The following LRP1B variants were observed in gnomAD, a reference collection of about 807,000 sequenced individuals.
LRP1B encodes the protein low-density lipoprotein receptor-related protein 1B.
In LRP1B, 217 loss-of-function variants were observed where a neutral mutation model predicts 556.6. That is an observed-to-expected ratio of 0.39 (90% CI 0.35 to 0.44). The LOEUF is 0.44. Among genes scored for constraint, LRP1B ranks in the 20% least tolerant of loss-of-function variants. The pLI, the probability that LRP1B is intolerant of heterozygous loss-of-function variation, is 1.00. For missense variants in LRP1B, 5,053 were observed against 5,620.8 expected (o/e 0.90, Z 3.23); for synonymous variants, 2,047 against 1,865.8 (o/e 1.10, Z -2.50).
chr2:141,795,295 C>T lies in LRP1B; in HGVS notation c.205+14984G>A, dbSNP rs533579952. On this transcript the variant is annotated intron_variant, in intron 2 of 90. Coordinates refer to ENST00000389484, the MANE Select transcript of LRP1B (RefSeq NM_018557.3). ...ATGCTGATCATAATCTCCTAGTCTC[C>T]ATGCTGTCACATGAAAAATCCACAC... Among the ~76,000 whole-genome samples, 8 of 152,104 alleles carry T rather than the reference C, an allele frequency of 5.3e-5. No homozygotes were observed. The South Asian group carries it at 1.7e-3, about 32-fold the overall frequency.
chr2:141,042,028 C>T (rs1215620819), intron 11 of LRP1B, among the ~76,000 whole-genome samples: 2 of 152,032 alleles, frequency 1.3e-5, no homozygotes, highest in Non-Finnish European at 2.9e-5. Context: ...GTTCAGCATA[C>T]CACAGACTCC....
intron 7 of LRP1B, among the ~76,000 whole-genome samples, chr2:141,066,024 G>A (rs570582694): frequency 2.6e-5 from 4 of 151,924 alleles, no homozygotes; most frequent in African/African-American, 9.7e-5. Context: ...GCAAAAAGGG[G>A]CATTGCTGTT....
chr2:140,962,389 T>C (rs972909019), intron 18 of LRP1B, among the ~76,000 whole-genome samples: 1 of 152,208 alleles, frequency 6.6e-6, no homozygotes, highest in Non-Finnish European at 1.5e-5. Context: ...AGAGCAGGTC[T>C]AATGTGGACT....
chr2:141,810,062 CA>C (rs1696288048), intron 2 of LRP1B, among the ~76,000 whole-genome samples: 1 of 138,660 alleles, frequency 7.2e-6, no homozygotes, highest in Non-Finnish European at 1.6e-5. Context: ...AAAACACAAA[CA>C]AAAGGTTTCA....
At chr2:140,804,648 A>ATTTTTTTTTTTTTTTTTTTTTTTTTTTT in intron 32 of LRP1B, among the ~76,000 whole-genome samples, 1 of 103,892 alleles carries the variant, frequency 9.6e-6, no homozygotes, top group Non-Finnish European at 1.9e-5. Flanking sequence ...GGTAAAAACT[A>ATTTTTTTTTTTTTTTTTTTTTTTTTTTT]ATTTTTTTTT....
chr2:141,779,069 G>A (rs1200988837), intron 2 of LRP1B, among the ~76,000 whole-genome samples: 1 of 152,094 alleles, frequency 6.6e-6, no homozygotes, highest in Non-Finnish European at 1.5e-5. Flanking sequence ...CCAGTGCTGT[G>A]GGATTTATTC....
chr2:140,932,220 A>T (rs112990676), intron 20 of LRP1B, among the ~76,000 whole-genome samples: 5,541 of 152,200 alleles, frequency 0.036, 153 homozygotes, highest in South Asian at 0.093. Context: ...GCCTTTGTCC[A>T]ATGAATTTGA....
Position 140,988,491 on chromosome 2 carries a change from T to G in LRP1B, c.2770+1041A>C, listed in dbSNP as rs144015027. On this transcript the variant is annotated intron_variant, in intron 17 of 90. Coordinates refer to ENST00000389484, the MANE Select transcript of LRP1B (RefSeq NM_018557.3). ...TCTGGAATGATGGCTGTTTTGCTCT[T>G]GCCAGTGTTGTTTTGTACATAGGGA... 4.8e-3 allele frequency among the ~76,000 whole-genome samples: 727 copies of G among 152,258 alleles called. 7 individuals carry two copies. Among genetic ancestry groups the G allele is most frequent in the African/African-American group, 0.017 (691 of 41,548 alleles).
intron 32 of LRP1B, among the ~76,000 whole-genome samples, chr2:140,785,530 A>T (rs1040443833): frequency 6.6e-6 from 1 of 152,154 alleles, no homozygotes; most frequent in African/African-American, 2.4e-5. Flanking sequence ...TACAACTTTT[A>T]AAAAATCAAC....
At chr2:141,937,334 G>A (rs919955902) in intron 1 of LRP1B, among the ~76,000 whole-genome samples, 5 of 151,752 alleles carry the variant, frequency 3.3e-5, no homozygotes, top group Non-Finnish European at 7.4e-5. Context: ...GCAGTGAGCC[G>A]AGATCGCGCC....
intron 18 of LRP1B, among the ~76,000 whole-genome samples, chr2:140,964,441 C>T (rs1237521034): frequency 1.3e-5 from 2 of 152,086 alleles, no homozygotes; most frequent in Non-Finnish European, 2.9e-5. Flanking sequence ...TGCTAAGTAG[C>T]GGGTGTTGTT....
intron 3 of LRP1B, among the ~76,000 whole-genome samples, chr2:141,373,611 T>C (rs568463863): frequency 2.2e-4 from 33 of 151,972 alleles, no homozygotes; most frequent in African/African-American, 8.0e-4. Flanking sequence ...TTTTTAACTG[T>C]GTTTGATTTT....
chr2:141,318,298 A>G (rs1687104079), intron 3 of LRP1B, among the ~76,000 whole-genome samples: 1 of 152,200 alleles, frequency 6.6e-6, no homozygotes, highest in Admixed American at 6.5e-5. Flanking sequence ...TACACAAGAA[A>G]CAAGAGAAGA....
At chr2:141,393,751 C>T (rs1218885757) in intron 3 of LRP1B, among the ~76,000 whole-genome samples, 2 of 151,830 alleles carry the variant, frequency 1.3e-5, no homozygotes, top group Admixed American at 1.3e-4. Flanking sequence ...AACAAAGATA[C>T]AAAGATTATA....
intron 2 of LRP1B, among the ~76,000 whole-genome samples, chr2:141,489,412 T>C (rs1206806149): frequency 6.6e-6 from 1 of 151,938 alleles, no homozygotes; most frequent in African/African-American, 2.4e-5. Flanking sequence ...TATAAGAGTA[T>C]GAAAAAATTG....
intron 2 of LRP1B, among the ~76,000 whole-genome samples, chr2:141,522,804 C>A (rs62167935): frequency 0.13 from 19,547 of 152,158 alleles, 1,274 homozygotes; most frequent in South Asian, 0.21. Flanking sequence ...TTGCCCTCTG[C>A]AAGCTGCTAT....
chr2:140,323,806 A>T, intron 81 of LRP1B, 87 bp downstream of exon 81: 1 of 662,418 alleles, frequency 1.5e-6, no homozygotes, highest in African/African-American at 1.9e-5. Flanking sequence ...ACATTTACAT[A>T]GTTAAGATAT....
intron 2 of LRP1B, among the ~76,000 whole-genome samples, chr2:141,790,585 T>C (rs920786312): frequency 2.0e-5 from 3 of 151,948 alleles, no homozygotes; most frequent in Non-Finnish European, 2.9e-5. Context: ...GAAAAATGTT[T>C]CTTGGCTTAA....
intron 7 of LRP1B, among the ~76,000 whole-genome samples, chr2:141,094,242 A>G (rs987868724): frequency 3.3e-5 from 5 of 152,218 alleles, no homozygotes; most frequent in Non-Finnish European, 7.3e-5. Context: ...TTTTAAATTG[A>G]CATTTTGTTT....
Sources: gnomAD v4.1 joint callset for allele counts (sites outside exome capture counted in the v4.1 genomes callset) on GRCh38, gnomAD v4.1.1 for gene constraint, MANE v1.5 for transcripts, NCBI Gene and HGNC (gene_info 2026-07-23, HGNC 2026-07-21) for gene names.